The following EFCAB11 variants were observed in gnomAD, a reference collection of about 807,000 sequenced individuals.
The protein encoded by EFCAB11 is EF-hand calcium binding domain 11, also known as EF-hand calcium-binding domain-containing protein 11.
A neutral mutation model predicts 23.0 loss-of-function variants in EFCAB11; 14 were observed. The ratio of observed to expected loss-of-function variants is 0.61; its 90% CI spans 0.40 to 0.95. The LOEUF is 0.95. Ranked by LOEUF, EFCAB11 falls within the 40% of genes least tolerant of loss-of-function variation. EFCAB11 has a pLI of 0.00. For missense variants in EFCAB11, 198 were observed against 195.8 expected (o/e 1.01, Z -0.07); for synonymous variants, 65 against 66.6 (o/e 0.98, Z 0.11).
chr14:89,810,158 C>T (rs1886103866), intron 5 of EFCAB11, among the ~76,000 whole-genome samples: 1 of 152,120 alleles, frequency 6.6e-6, no homozygotes, highest in Admixed American at 6.5e-5. Context: ...TGTGCTGTTC[C>T]CAGTATTTGG....
At chr14:89,906,236 C>CCAT (rs1440486247) in intron 5 of EFCAB11, among the ~76,000 whole-genome samples, 2 of 151,544 alleles carry the variant, frequency 1.3e-5, no homozygotes, top group African/African-American at 2.4e-5. Flanking sequence ...GTAACTTTCC[C>CCAT]CATCATCATC....
chr14:89,907,256 T>C (rs542584928), intron 5 of EFCAB11, among the ~76,000 whole-genome samples: 1 of 152,214 alleles, frequency 6.6e-6, no homozygotes, highest in East Asian at 1.9e-4. Context: ...TAACAAAAGG[T>C]TGAGATGAGC....
intron 5 of EFCAB11, among the ~76,000 whole-genome samples, chr14:89,899,027 C>T (rs1026553292): frequency 3.3e-5 from 5 of 152,152 alleles, no homozygotes; most frequent in Non-Finnish European, 4.4e-5. Flanking sequence ...CAAATGCCTT[C>T]GGATGATGAC....
chr14:89,852,591 CTTAAAATAA>C (rs1196099060), intron 5 of EFCAB11, among the ~76,000 whole-genome samples: 1 of 152,180 alleles, frequency 6.6e-6, no homozygotes, highest in East Asian at 1.9e-4. Flanking sequence ...TCATTTTAAA[CTTAAAATAA>C]GTTTCCTATC....
intron 5 of EFCAB11, among the ~76,000 whole-genome samples, chr14:89,912,629 A>G (rs924848639): frequency 3.9e-5 from 6 of 152,228 alleles, no homozygotes; most frequent in African/African-American, 7.2e-5. Flanking sequence ...ATTTAAAGCC[A>G]TAGGAATATT....
chr14:89,901,409 A>C (rs1474588567), intron 5 of EFCAB11, among the ~76,000 whole-genome samples: 1 of 152,258 alleles, frequency 6.6e-6, no homozygotes, highest in Non-Finnish European at 1.5e-5. Flanking sequence ...ATAATCTAGG[A>C]AAGTTACTCT....
At chr14:89,914,827 T>C (rs1284984396) in intron 5 of EFCAB11, among the ~76,000 whole-genome samples, 1 of 151,532 alleles carries the variant, frequency 6.6e-6, no homozygotes, top group Non-Finnish European at 1.5e-5. Flanking sequence ...ATGAAATATG[T>C]AGGGAAATTC....
chr14:89,936,745 CA>C (rs1890597765), intron 3 of EFCAB11, among the ~76,000 whole-genome samples: 1 of 152,120 alleles, frequency 6.6e-6, no homozygotes, highest in Non-Finnish European at 1.5e-5. Flanking sequence ...TTTCCAAAGC[CA>C]ATACATAGTA....
At chr14:89,871,694 TTTTC>T (rs913933930) in intron 5 of EFCAB11, among the ~76,000 whole-genome samples, 6 of 152,216 alleles carry the variant, frequency 3.9e-5, no homozygotes, top group African/African-American at 7.2e-5. Flanking sequence ...AATTTATACC[TTTTC>T]TTTAAGTCCA....
intron 3 of EFCAB11, among the ~76,000 whole-genome samples, chr14:89,935,521 C>T (rs1890550638): frequency 6.6e-6 from 1 of 152,024 alleles, no homozygotes; most frequent in African/African-American, 2.4e-5. Flanking sequence ...CAAGTTATCC[C>T]CCACCTCAGT....
rs1206400721 is a variant in EFCAB11, at chr14:89,931,570, T to C, written c.381A>G (p.Leu127=). 1 of 1,614,198 alleles carries C rather than the reference T, an allele frequency of 6.2e-7. No homozygotes were observed. The highest frequency in any genetic ancestry group is 1.7e-5 in the Admixed American group (1 of 60,024). The change falls in exon 5 of 6, where the codon TTA becomes TTG. Residue 127 remains leucine (L), a synonymous_variant. Transcript: ENST00000316738. ...ATACCTCAAGAACAGTCCTTTCCGG[T>C]AATTTGGGAGCCACCTGCCTAAATG... ...KKAFRQVAPK[L]PERTVLEVFR...
chr14:89,816,165 T>A (rs745945897), intron 5 of EFCAB11, among the ~76,000 whole-genome samples: 2 of 152,202 alleles, frequency 1.3e-5, no homozygotes, highest in Non-Finnish European at 2.9e-5. Context: ...ATGGAGTTGC[T>A]TCCTTGATTT....
At chr14:89,881,381 A>G (rs1271664426) in intron 5 of EFCAB11, among the ~76,000 whole-genome samples, 1 of 141,678 alleles carries the variant, frequency 7.1e-6, no homozygotes, top group Non-Finnish European at 1.5e-5. Flanking sequence ...TCCACTCTCT[A>G]CCCATCAATA....
At chr14:89,804,177 C>T (rs542556463) in intron 5 of EFCAB11, among the ~76,000 whole-genome samples, 1 of 152,334 alleles carries the variant, frequency 6.6e-6, no homozygotes, top group East Asian at 1.9e-4. Flanking sequence ...CCCTACCCCC[C>T]AAACGTGGAA....
At chr14:89,802,493 G>C (rs1226508124) in intron 5 of EFCAB11, among the ~76,000 whole-genome samples, 2 of 152,130 alleles carry the variant, frequency 1.3e-5, no homozygotes, top group Non-Finnish European at 2.9e-5. Flanking sequence ...CCAGAATCAA[G>C]TGATTCTCCT....
At chr14:89,814,380 C>T (rs771775707) in intron 5 of EFCAB11, among the ~76,000 whole-genome samples, 1 of 152,106 alleles carries the variant, frequency 6.6e-6, no homozygotes, top group Non-Finnish European at 1.5e-5. Flanking sequence ...AACAACGACA[C>T]GTAGTCATTT....
At chr14:89,870,771 A>T (rs1274316695) in intron 5 of EFCAB11, among the ~76,000 whole-genome samples, 3 of 146,872 alleles carry the variant, frequency 2.0e-5, no homozygotes, top group Non-Finnish European at 4.5e-5. Context: ...CTCTACTAAA[A>T]AAAAAAAAAA....
chr14:89,803,615 T>C (rs1329173935), intron 5 of EFCAB11, among the ~76,000 whole-genome samples: 4 of 152,226 alleles, frequency 2.6e-5, no homozygotes, highest in Non-Finnish European at 5.9e-5. Context: ...TTCTCTTTGA[T>C]TCTTTATGGA....
intron 3 of EFCAB11, among the ~76,000 whole-genome samples, chr14:89,935,901 A>G (rs1431986219): frequency 1.3e-5 from 2 of 152,046 alleles, no homozygotes; most frequent in Non-Finnish European, 2.9e-5. Flanking sequence ...CCAGCTAGTC[A>G]GGAGGCTGAG....
Sources: allele counts gnomAD v4.1 joint callset (sites outside exome capture counted in the v4.1 genomes callset), GRCh38; gene constraint gnomAD v4.1.1; transcripts MANE v1.5; gene names NCBI Gene and HGNC (gene_info 2026-07-23, HGNC 2026-07-21).